ATG10: variants seen among roughly 807,000 people sequenced by gnomAD.
ATG10 encodes the protein autophagy related 10, also known as ubiquitin-like-conjugating enzyme ATG10.
Under a neutral mutation model 32.1 loss-of-function variants are expected in ATG10, and 30 were observed. The ratio of observed to expected loss-of-function variants is 0.94; its 90% CI spans 0.70 to 1.27. The LOEUF (loss-of-function observed/expected upper bound fraction) is 1.27, where lower values mean the gene tolerates loss of function less well. Ranked by LOEUF, ATG10 falls within the 50% of genes most tolerant of loss-of-function variation. The probability of loss-of-function intolerance (pLI) is 0.00; values close to 1 mark genes in which losing one functional copy is unlikely to be tolerated. For missense variants in ATG10, 233 were observed against 262.3 expected, an observed-to-expected ratio of 0.89 and a Z score of 0.77; for synonymous variants, 87 against 91.5, an observed-to-expected ratio of 0.95 and a Z score of 0.28.
At chr5:82,184,322 G>A (rs1359613306) in intron 5 of ATG10, among the ~76,000 whole-genome samples, 6 of 152,096 alleles carry the variant, frequency 3.9e-5, no homozygotes, top group African/African-American at 1.2e-4. Flanking sequence ...CACATAATAT[G>A]TAGTAAATAT....
chr5:82,222,903 C>G (rs1745983400), intron 5 of ATG10, among the ~76,000 whole-genome samples: 1 of 152,134 alleles, frequency 6.6e-6, no homozygotes. Flanking sequence ...GTCACACTAC[C>G]CGTGATATAG....
chr5:82,151,995 C>T (rs2149881576), intron 3 of ATG10, among the ~76,000 whole-genome samples: 1 of 152,256 alleles, frequency 6.6e-6, no homozygotes, highest in African/African-American at 2.4e-5. Flanking sequence ...AAGACCTGAA[C>T]CCAGATGTTT....
At chr5:82,069,070 A>C in intron 3 of ATG10, among the ~76,000 whole-genome samples, 1 of 152,072 alleles carries the variant, frequency 6.6e-6, no homozygotes, top group East Asian at 1.9e-4. Context: ...TATATTTACA[A>C]TTTTATTCCT....
At chr5:82,177,386 T>C (rs1339726901) in intron 4 of ATG10, among the ~76,000 whole-genome samples, 1 of 152,134 alleles carries the variant, frequency 6.6e-6, no homozygotes, top group East Asian at 1.9e-4. Flanking sequence ...TTGGAGCTCT[T>C]GAGTAGATTA....
At chr5:82,011,790 C>T (rs1762134444) in intron 2 of ATG10, among the ~76,000 whole-genome samples, 1 of 152,176 alleles carries the variant, frequency 6.6e-6, no homozygotes, top group Admixed American at 6.5e-5. Flanking sequence ...CTACACAAAG[C>T]CTCCTCATCA....
chr5:82,058,276 ACAT>A (rs1264284485), intron 2 of ATG10, among the ~76,000 whole-genome samples: 2 of 152,282 alleles, frequency 1.3e-5, no homozygotes, highest in East Asian at 3.9e-4. Context: ...GAGGGTGGAA[ACAT>A]CATTAATAAA....
chr5:82,112,773 T>G (rs2149815878), intron 3 of ATG10, among the ~76,000 whole-genome samples: 1 of 152,016 alleles, frequency 6.6e-6, no homozygotes, highest in South Asian at 2.1e-4. Flanking sequence ...GTAGGGAAAC[T>G]GAAGATTTTC....
chr5:82,023,898 T>C (rs1762519169), intron 2 of ATG10, among the ~76,000 whole-genome samples: 1 of 152,228 alleles, frequency 6.6e-6, no homozygotes, highest in Non-Finnish European at 1.5e-5. Flanking sequence ...GATTGCACAA[T>C]GGAGACATGC....
At chr5:82,184,241 T>A (rs185996336) in intron 5 of ATG10, among the ~76,000 whole-genome samples, 37 of 151,934 alleles carry the variant, frequency 2.4e-4, no homozygotes, top group East Asian at 2.1e-3. Context: ...GAGGTTACAG[T>A]AGCATCTACA....
At chr5:82,097,096 T>C (rs942283933) in intron 3 of ATG10, among the ~76,000 whole-genome samples, 1 of 152,174 alleles carries the variant, frequency 6.6e-6, no homozygotes, top group African/African-American at 2.4e-5. Flanking sequence ...TCTTTTGTTA[T>C]ATGTTTTGTA....
At chr5:82,188,883 T>C (rs1374810417) in intron 5 of ATG10, among the ~76,000 whole-genome samples, 1 of 152,182 alleles carries the variant, frequency 6.6e-6, no homozygotes, top group Non-Finnish European at 1.5e-5. Context: ...TTCTTCCCAC[T>C]TTCTACTCCC....
At chr5:82,011,806 G>C (rs1425912244) in intron 2 of ATG10, among the ~76,000 whole-genome samples, 1 of 152,194 alleles carries the variant, frequency 6.6e-6, no homozygotes, top group African/African-American at 2.4e-5. Flanking sequence ...CATCAGCCAG[G>C]ATGTGTGGAC....
In ATG10 at chr5:82,110,391, G is replaced by A. The variant is rs1489217555; in HGVS notation, c.216+51789G>A. Among the ~76,000 whole-genome samples, 3 of 152,250 alleles carry A rather than the reference G, an allele frequency of 2.0e-5. 1 individual carries two copies. The highest frequency in any genetic ancestry group is 6.5e-5 in the Admixed American group (1 of 15,282). On this transcript the variant is annotated intron_variant, in intron 3 of 7. Transcript: ENST00000282185. Reference sequence around the variant, plus strand: ...CATTGCCACACTGTCTTCCACAATGGTTGAACTAGTTTACAGTCCCACCAC... The same window carrying A: ...CATTGCCACACTGTCTTCCACAATGATTGAACTAGTTTACAGTCCCACCAC...
chr5:82,227,457 C>T (rs1274527866), intron 5 of ATG10, among the ~76,000 whole-genome samples: 1 of 152,022 alleles, frequency 6.6e-6, no homozygotes, highest in East Asian at 1.9e-4. Flanking sequence ...TTACTGCAAC[C>T]TCCACCTCCC....
intron 5 of ATG10, among the ~76,000 whole-genome samples, chr5:82,228,259 A>G (rs1439803942): frequency 6.6e-6 from 1 of 152,158 alleles, no homozygotes; most frequent in Non-Finnish European, 1.5e-5. Flanking sequence ...TCAATACTAT[A>G]TAATGCCATT....
intron 3 of ATG10, among the ~76,000 whole-genome samples, chr5:82,090,724 T>C (rs1005163046): frequency 6.6e-6 from 1 of 152,176 alleles, no homozygotes; most frequent in Non-Finnish European, 1.5e-5. Context: ...TCAGTGCAAA[T>C]CATCCTTGTA....
At chr5:82,131,256 T>C (rs1256031627) in intron 3 of ATG10, among the ~76,000 whole-genome samples, 1 of 152,142 alleles carries the variant, frequency 6.6e-6, no homozygotes, top group Non-Finnish European at 1.5e-5. Context: ...AAAACATTAT[T>C]AATTGGTATT....
intron 2 of ATG10, among the ~76,000 whole-genome samples, chr5:82,011,143 ATGATTAAAAC>A (rs1178570109): frequency 2.6e-5 from 4 of 152,172 alleles, no homozygotes; most frequent in African/African-American, 9.7e-5. Flanking sequence ...CAAACTCAAC[ATGATTAAAAC>A]TGAGCTGATC....
chr5:82,250,728 A>G (rs1747224576), intron 5 of ATG10, among the ~76,000 whole-genome samples: 1 of 152,222 alleles, frequency 6.6e-6, no homozygotes, highest in Non-Finnish European at 1.5e-5. Context: ...TCCTGCACTG[A>G]AATCTAAGTT....
Sources: gnomAD v4.1 joint callset for allele counts (sites outside exome capture counted in the v4.1 genomes callset) on GRCh38, gnomAD v4.1.1 for gene constraint, MANE v1.5 for transcripts, NCBI Gene and HGNC (gene_info 2026-07-23, HGNC 2026-07-21) for gene names.